YME1L1: variants seen among roughly 807,000 people sequenced by gnomAD.
The protein encoded by YME1L1 is ATP-dependent zinc metalloprotease YME1L1.
A neutral mutation model predicts 90.4 loss-of-function variants in YME1L1; 39 were observed. That is an observed-to-expected ratio of 0.43 (90% CI 0.33 to 0.56). The LOEUF (loss-of-function observed/expected upper bound fraction) is 0.56, where lower values mean the gene tolerates loss of function less well. YME1L1 is among the 20% of genes least tolerant of loss of function. The pLI is 0.03. For missense variants in YME1L1, 617 were observed against 868.4 expected (o/e 0.71, Z 3.64); for synonymous variants, 284 against 287.3 (o/e 0.99, Z 0.12).
Position 27,145,500 on chromosome 10 carries a change from T to A in YME1L1, c.259A>T (p.Lys87Ter). 1 of 1,613,680 alleles carries A rather than the reference T, an allele frequency of 6.2e-7. No individual in the cohort carries two copies. The highest frequency in any genetic ancestry group is 8.5e-7 in the Non-Finnish European group (1 of 1,179,730). ...LVENLLPGFC[K>*]GKNISSHWHT... ...CAATGGGAAGAAATGTTTTTGCCTT[T>A]ACAAAATCCAGGAAGTAGATTTTCT... The change falls in exon 3 of 19, where the codon AAA becomes TAA. Residue 87 changes from lysine (K) to a stop codon, truncating the protein, a stop_gained. Transcript: ENST00000376016. LOFTEE classifies it high-confidence loss of function.
intron 9 of YME1L1, among the ~76,000 whole-genome samples, chr10:27,124,191 C>T (rs548199749): frequency 3.0e-4 from 45 of 152,256 alleles, no homozygotes; most frequent in African/African-American, 1.1e-3. Context: ...ATTTAGGACA[C>T]TGTCCTTATT....
At position 27,112,025 on chromosome 10, in the gene YME1L1, G is replaced by A; in HGVS notation, c.2103C>T (p.Ala701=). 1 of 1,613,990 alleles carries A rather than the reference G, an allele frequency of 6.2e-7. No individual in the cohort carries two copies. The highest frequency in any genetic ancestry group is 8.5e-7 in the Non-Finnish European group (1 of 1,180,012). ...EALLTYETLD[A]KEIQIVLEGK... ...CCTCAAGAACAATTTGAATCTCTTT[G>A]GCATCCAAAGTCTCATAGGTCAATA... The change falls in exon 19 of 19, where the codon GCC becomes GCT. Residue 701 remains alanine (A), a synonymous_variant. Transcript: ENST00000376016.
At position 27,110,542 on chromosome 10, in the gene YME1L1, T is replaced by G. The variant is rs2056749310; in HGVS notation, c.*1435A>C. Reference sequence around the variant, plus strand: ...CCAATACAATGTGTTCTAAAATAATTTTTCTATTGAGTTAAATATTCATCT... The same window carrying G: ...CCAATACAATGTGTTCTAAAATAATGTTTCTATTGAGTTAAATATTCATCT... On this transcript the variant is annotated 3_prime_UTR_variant, in exon 19 of 19. Transcript: ENST00000376016. The G allele has an allele frequency of 1.3e-5, 2 of 152,136 alleles. No individual in the cohort carries two copies. Among genetic ancestry groups the G allele is most frequent in the South Asian group, 4.1e-4 (2 of 4,832 alleles). 9.4% of individuals were successfully genotyped at this position (152,136 alleles called of 1,614,324 possible). A position where few individuals can be genotyped will look rare whatever the true frequency, so the allele number is the denominator to read the frequency against.
chr10:27,116,201 C>A lies in YME1L1; in HGVS notation c.1846+18G>T. 2 of 1,613,968 alleles carry A rather than the reference C, an allele frequency of 1.2e-6. No homozygotes were observed. Among genetic ancestry groups the A allele is most frequent in the Non-Finnish European group, 1.7e-6 (2 of 1,179,964 alleles). On this transcript the variant is annotated intron_variant, in intron 16 of 18. Coordinates refer to ENST00000376016, the MANE Select transcript of YME1L1 (RefSeq NM_014263.4). ...AGACCACATATAATTTGAACTAAAG[C>A]CATTCTTTAAAGCTAACCTGTTGTA... is the stretch of plus-strand genomic sequence containing the variant.
At chr10:27,139,818 TCTAATA>T (rs1475041046) in intron 4 of YME1L1, among the ~76,000 whole-genome samples, 1 of 152,206 alleles carries the variant, frequency 6.6e-6, no homozygotes, top group Non-Finnish European at 1.5e-5. Context: ...CACTCATACT[TCTAATA>T]CTGTCTGTAT....
intron 4 of YME1L1, among the ~76,000 whole-genome samples, chr10:27,141,601 GACACACACAC>G (rs60043957): frequency 0.03 from 4,263 of 141,518 alleles, 146 homozygotes; most frequent in African/African-American, 0.084. Context: ...GATGTCCCTC[GACACACACAC>G]ACACACACAC....
At chr10:27,151,976 C>T (rs1180791370) in intron 1 of YME1L1, among the ~76,000 whole-genome samples, 2 of 151,448 alleles carry the variant, frequency 1.3e-5, no homozygotes, top group African/African-American at 4.9e-5. Flanking sequence ...GATACGTATC[C>T]CTGAGTAATG....
intron 2 of YME1L1, chr10:27,146,238 G>C (rs533217753): frequency 6.6e-6 from 1 of 152,278 alleles, no homozygotes; most frequent in Admixed American, 6.5e-5. Flanking sequence ...GGTTACCATA[G>C]GACATCTCAC....
At chr10:27,119,987 T>C (rs2056850060) in intron 13 of YME1L1, among the ~76,000 whole-genome samples, 1 of 152,200 alleles carries the variant, frequency 6.6e-6, no homozygotes, top group South Asian at 2.1e-4. Context: ...CAGCTATCTC[T>C]GAAACTACTG....
At chr10:27,145,709 T>C (rs1426988953) in intron 2 of YME1L1, 119 bp from the exon 3 acceptor site, 1 of 866,972 alleles carries the variant, frequency 1.2e-6, no homozygotes, top group Non-Finnish European at 1.6e-6. Flanking sequence ...TATTTCCTTT[T>C]TTTAATATTT....
chr10:27,125,692 T>A (rs1277938253), intron 9 of YME1L1, among the ~76,000 whole-genome samples: 1 of 149,440 alleles, frequency 6.7e-6, no homozygotes. Flanking sequence ...CAGACTGGAG[T>A]GCAGTGGGAA....
chr10:27,127,369 A>G (rs2056931113), intron 8 of YME1L1, among the ~76,000 whole-genome samples: 1 of 152,224 alleles, frequency 6.6e-6, no homozygotes, highest in African/African-American at 2.4e-5. Flanking sequence ...AAAATACAAA[A>G]CAAAGCTTTG....
At chr10:27,115,308 C>T (rs11015542) in intron 17 of YME1L1, among the ~76,000 whole-genome samples, 36,690 of 151,210 alleles carry the variant, frequency 0.24, 5,048 homozygotes, top group East Asian at 0.56. Flanking sequence ...ATGAGCAAGA[C>T]AGAACATTTA....
chr10:27,126,665 A>C, intron 9 of YME1L1, 31 bp downstream of exon 9: 1 of 1,236,250 alleles, frequency 8.1e-7, no homozygotes, highest in Non-Finnish European at 1.1e-6. Flanking sequence ...TGTTTTTTCC[A>C]TCAAATCATG....
At chr10:27,134,220 C>T in intron 6 of YME1L1, 98 bp from the exon 7 acceptor site, 2 of 937,814 alleles carry the variant, frequency 2.1e-6, no homozygotes, top group African/African-American at 3.3e-5. Flanking sequence ...AATCATATTT[C>T]ATCACATCCA....
At chr10:27,148,675 A>G (rs911133303) in intron 2 of YME1L1, among the ~76,000 whole-genome samples, 1 of 152,240 alleles carries the variant, frequency 6.6e-6, no homozygotes, top group Non-Finnish European at 1.5e-5. Context: ...TATTGTAAGA[A>G]TACAGTACAC....
In YME1L1 at chr10:27,154,349, T is replaced by C. The variant is rs1390633606; in HGVS notation, c.-139A>G. ...CCTCACTCCTCCCAGAAACGGAAAA[T>C]GGCCTCCCCTTCCTACAGCTACTGC... On this transcript the variant is annotated 5_prime_UTR_variant, in exon 1 of 19. Transcript: ENST00000376016. The C allele has an allele frequency of 1.6e-5, 16 of 999,544 alleles. No individual in the cohort carries two copies. The highest frequency in any genetic ancestry group is 8.2e-5 in the Admixed American group (3 of 36,712). The allele number at this position is 999,544 out of a possible 1,614,324, so 61.9% of individuals were successfully genotyped here.
At chr10:27,113,681 A>G (rs536375205) in intron 18 of YME1L1, among the ~76,000 whole-genome samples, 1 of 151,726 alleles carries the variant, frequency 6.6e-6, no homozygotes, top group African/African-American at 2.4e-5. Context: ...TCAAAAAAAA[A>G]AAAAAAAGAA....
At chr10:27,113,966 A>T (rs1053871808) in intron 18 of YME1L1, among the ~76,000 whole-genome samples, 26 of 152,088 alleles carry the variant, frequency 1.7e-4, no homozygotes, top group African/African-American at 6.3e-4. Context: ...AAAAAAAAAA[A>T]ATTTATTTGT....
Sources: allele counts gnomAD v4.1 joint callset (sites outside exome capture counted in the v4.1 genomes callset), GRCh38; gene constraint gnomAD v4.1.1; transcripts MANE v1.5; gene names NCBI Gene and HGNC (gene_info 2026-07-23, HGNC 2026-07-21).